Variants in SENP6 observed in about 807,000 individuals in gnomAD.
The protein encoded by SENP6 is sentrin-specific protease 6.
SENP6 carries 41 observed loss-of-function variants against 134.5 expected under a neutral mutation model. That is an observed-to-expected ratio of 0.30 (90% CI 0.24 to 0.40). The LOEUF (loss-of-function observed/expected upper bound fraction) is 0.40. SENP6 is among the 10% of genes least tolerant of loss of function. The pLI, the probability that SENP6 is intolerant of heterozygous loss-of-function variation, is 1.00. For synonymous variants in SENP6, 395 were observed against 429.8 expected (o/e 0.92, Z 1.00); for missense variants, 1,248 against 1,312.5 (o/e 0.95, Z 0.76).
chr6:75,657,268 C>G (rs1362555728), intron 7 of SENP6, among the ~76,000 whole-genome samples: 2 of 152,160 alleles, frequency 1.3e-5, no homozygotes, highest in Non-Finnish European at 1.5e-5. Context: ...TGTTTATTTT[C>G]CGAATTCCAA....
At chr6:75,677,316 A>T in intron 14 of SENP6, 60 bp downstream of exon 14, 1 of 1,143,376 alleles carries the variant, frequency 8.7e-7, no homozygotes, top group Non-Finnish European at 1.2e-6. Flanking sequence ...AAAGGGAAAT[A>T]TGTTTTATTT....
chr6:75,617,870 C>G (rs1451915506), intron 1 of SENP6, among the ~76,000 whole-genome samples: 2 of 152,108 alleles, frequency 1.3e-5, no homozygotes, highest in African/African-American at 4.8e-5. Context: ...GACAGTTGTA[C>G]AAAATACTGT....
intron 8 of SENP6, among the ~76,000 whole-genome samples, 175 bp downstream of exon 8, chr6:75,659,582 T>C (rs992634786): frequency 4.6e-5 from 7 of 152,208 alleles, no homozygotes; most frequent in South Asian, 2.1e-4. Flanking sequence ...GTTCAAAATA[T>C]AGAATTTATT....
chr6:75,663,949 G>T (rs1472110622), intron 9 of SENP6, among the ~76,000 whole-genome samples: 1 of 151,872 alleles, frequency 6.6e-6, no homozygotes, highest in Non-Finnish European at 1.5e-5. Flanking sequence ...TATGTGTATG[G>T]CATGCAGTCC....
At chr6:75,609,054 C>T (rs1767245349) in intron 1 of SENP6, among the ~76,000 whole-genome samples, 1 of 152,108 alleles carries the variant, frequency 6.6e-6, no homozygotes, top group Non-Finnish European at 1.5e-5. Flanking sequence ...ATTCCTGTTG[C>T]TATTAGAAAA....
intron 16 of SENP6, among the ~76,000 whole-genome samples, chr6:75,689,532 A>T (rs1774090164): frequency 6.6e-6 from 1 of 152,226 alleles, no homozygotes; most frequent in Non-Finnish European, 1.5e-5. Flanking sequence ...AAAATTTGAA[A>T]TAGAACTACA....
At chr6:75,697,303 C>G in intron 17 of SENP6, 122 bp from the exon 18 acceptor site, 1 of 660,000 alleles carries the variant, frequency 1.5e-6, no homozygotes, top group South Asian at 2.9e-5. Context: ...CCCAGTTTGT[C>G]AAACCATTTT....
intron 7 of SENP6, among the ~76,000 whole-genome samples, chr6:75,653,161 G>A (rs1771044081): frequency 6.6e-6 from 1 of 152,100 alleles, no homozygotes; most frequent in African/African-American, 2.4e-5. Flanking sequence ...CTCCCGAATA[G>A]CTGGGATTAC....
chr6:75,657,421 T>G (rs1562013657), intron 7 of SENP6, among the ~76,000 whole-genome samples: 1 of 152,162 alleles, frequency 6.6e-6, no homozygotes, highest in Admixed American at 6.5e-5. Context: ...AAAAAAGCAC[T>G]TTTTAGTTAC....
chr6:75,605,482 G>A (rs1229295548), intron 1 of SENP6, among the ~76,000 whole-genome samples: 1 of 152,082 alleles, frequency 6.6e-6, no homozygotes, highest in Non-Finnish European at 1.5e-5. Context: ...TGATAAATAC[G>A]GAAGACATAA....
At chr6:75,604,868 T>G (rs1402182063) in intron 1 of SENP6, among the ~76,000 whole-genome samples, 4 of 150,764 alleles carry the variant, frequency 2.7e-5, no homozygotes, top group African/African-American at 9.8e-5. Flanking sequence ...AGGTCAGGAG[T>G]TTGAGACCAG....
intron 5 of SENP6, among the ~76,000 whole-genome samples, chr6:75,638,555 AGTGTGTGTGT>A (rs59936116): frequency 0.011 from 300 of 26,252 alleles, 17 homozygotes; most frequent in Middle Eastern, 0.026. Context: ...TTGTGTGTGT[AGTGTGTGTGT>A]GTGTGTGTGT....
rs376799237 is a variant in SENP6, at chr6:75,623,912, G to A, written c.159G>A (p.Leu53=). 6.2e-7 allele frequency: 1 copy of A among 1,607,214 alleles called. No homozygotes were observed. The highest frequency in any genetic ancestry group is 1.3e-5 in the African/African-American group (1 of 74,804). Reference sequence around the variant, plus strand: ...ATTTTCTGTGTAGTGGGACAAATCTGCTCAGTGTGGATGAAGATGAGGATT... The same window carrying A: ...ATTTTCTGTGTAGTGGGACAAATCTACTCAGTGTGGATGAAGATGAGGATT... ...EGDTDKDGTN[L]LSVDEDEDSE... The change falls in exon 3 of 24, where the codon CTG becomes CTA. Residue 53 remains leucine, a synonymous_variant. Coordinates refer to ENST00000447266, the MANE Select transcript of SENP6 (RefSeq NM_015571.4).
intron 2 of SENP6, 46 bp downstream of exon 2, chr6:75,621,671 C>A (rs368441950): frequency 1.3e-5 from 15 of 1,153,722 alleles, no homozygotes; most frequent in South Asian, 1.1e-4. Flanking sequence ...AATAAAACTT[C>A]TCATTAGAAA....
chr6:75,701,991 A>T (rs750333987), intron 18 of SENP6, among the ~76,000 whole-genome samples: 19 of 152,208 alleles, frequency 1.2e-4, no homozygotes, highest in Admixed American at 3.3e-4. Flanking sequence ...CATAAAGAGA[A>T]GGCAAAGGGG....
intron 1 of SENP6, among the ~76,000 whole-genome samples, chr6:75,605,759 C>T (rs1410080147): frequency 2.0e-5 from 3 of 151,736 alleles, no homozygotes; most frequent in Non-Finnish European, 4.4e-5. Flanking sequence ...ACGAGTTTGG[C>T]GCAAGGGGGT....
At chr6:75,674,804 G>A (rs1267061387) in intron 11 of SENP6, among the ~76,000 whole-genome samples, 1 of 152,110 alleles carries the variant, frequency 6.6e-6, no homozygotes, top group Non-Finnish European at 1.5e-5. Flanking sequence ...ACACTGAAAA[G>A]TTGAAAGACT....
chr6:75,659,506 C>A, intron 8 of SENP6, 99 bp downstream of exon 8: 3 of 1,135,310 alleles, frequency 2.6e-6, no homozygotes, highest in Middle Eastern at 2.4e-4. Context: ...TATCATAGGA[C>A]CAGAAGAGAC....
chr6:75,699,135 G>A (rs1417602750), intron 18 of SENP6, among the ~76,000 whole-genome samples: 1 of 152,010 alleles, frequency 6.6e-6, no homozygotes, highest in Non-Finnish European at 1.5e-5. Context: ...CGATTTGTCA[G>A]AAATGAGTTA....
Sources: gnomAD v4.1 joint callset for allele counts (sites outside exome capture counted in the v4.1 genomes callset) on GRCh38, gnomAD v4.1.1 for gene constraint, MANE v1.5 for transcripts, NCBI Gene and HGNC (gene_info 2026-07-23, HGNC 2026-07-21) for gene names.